Variants in PGK2 observed in about 807,000 individuals in gnomAD.
The protein encoded by PGK2 is epididymis secretory protein Li 272.
In PGK2, 5 loss-of-function variants were observed where a neutral mutation model predicts 5.2. The ratio of observed to expected loss-of-function variants is 0.96; its 90% CI spans 0.50 to 2.01. The LOEUF (loss-of-function observed/expected upper bound fraction) is 2.01, where lower values mean the gene tolerates loss of function less well. Among genes scored for constraint, PGK2 ranks in the 30% most tolerant of loss-of-function variants. The pLI, the probability that PGK2 is intolerant of heterozygous loss-of-function variation, is 0.01. For synonymous variants in PGK2, 210 were observed against 182.6 expected, an observed-to-expected ratio of 1.15 and a Z score of -1.21; for missense variants, 588 against 506.8, an observed-to-expected ratio of 1.16 and a Z score of -1.54.
rs1056498051 is a variant in PGK2 at position 49,785,961 on chromosome 6, A to G, written c.1227T>C (p.Pro409=). Residue 409 remains proline, a synonymous_variant, in exon 1 of 1, where the codon CCT becomes CCC. Transcript: ENST00000304801. ...SLELLEGKIL[P]GVEALSNM Reference sequence around the variant, plus strand: ...ACATGTTGCTGAGGGCCTCTACTCCAGGAAGGATTTTACCTTCCAGAAGCT... The same window carrying G: ...ACATGTTGCTGAGGGCCTCTACTCCGGGAAGGATTTTACCTTCCAGAAGCT... The G allele has an allele frequency of 1.9e-6, 3 of 1,613,946 alleles. No homozygotes were observed. Among genetic ancestry groups the G allele is most frequent in the South Asian group, 2.2e-5 (2 of 91,094 alleles).
rs1278075475 is a variant in PGK2, at chr6:49,786,644, G to A, written c.544C>T (p.Pro182Ser). 4 of 1,613,972 alleles carry A rather than the reference G, an allele frequency of 2.5e-6. No homozygotes were observed. The East Asian group carries it at 6.7e-5, about 27-fold the overall frequency. Residue 182 changes from proline to serine, a missense_variant, in exon 1 of 1, where the codon CCC (proline) becomes TCC (serine). Pro to Ser is a moderately conservative substitution (Grantham distance 74). Coordinates refer to ENST00000304801, the MANE Select transcript of PGK2 (RefSeq NM_138733.5). ...AHSSMVGVNL[P>S]HKASGFLMKK... ...ATCAAGAATCCGGATGCTTTATGGG[G>A]CAGATTCACTCCCACCATGGAACTA...
chr6:49,785,997 AC>A lies in PGK2; in HGVS notation c.1190del (p.Gly397ValfsTer4), dbSNP rs760203253. The A allele has an allele frequency of 6.2e-7, 1 of 1,614,132 alleles. No individual in the cohort carries two copies. Among genetic ancestry groups the A allele is most frequent in the Non-Finnish European group, 8.5e-7 (1 of 1,179,998 alleles). ...TACCTTCCAGAAGCTCTAGACTGGC[AC>A]CGCCTCCAGTGCTGACATGGCTGAC... ...DKVSHVSTGG[G>X]ASLELLEGKI... On this transcript the variant is annotated frameshift_variant, in exon 1 of 1. Coordinates refer to ENST00000304801, the MANE Select transcript of PGK2 (RefSeq NM_138733.5). LOFTEE classifies it high-confidence loss of function.
Position 49,786,936 on chromosome 6 carries a change from C to T in PGK2, c.252G>A (p.Glu84=). 6.2e-7 allele frequency: 1 copy of T among 1,614,090 alleles called. No homozygotes were observed. The highest frequency in any genetic ancestry group is 8.5e-7 in the Non-Finnish European group (1 of 1,180,014). The part of the protein sequence containing the change: ...DKYSLAPVAV[E]LKSLLGKDVL... Reference sequence around the variant, plus strand: ...CATCCTTGCCCAGCAAGGATTTGAGCTCAACAGCAACAGGTGCTAAGGAAT... The same window carrying T: ...CATCCTTGCCCAGCAAGGATTTGAGTTCAACAGCAACAGGTGCTAAGGAAT... Residue 84 remains glutamate (E), a synonymous_variant, in exon 1 of 1, where the codon GAG becomes GAA. Coordinates refer to ENST00000304801, the MANE Select transcript of PGK2 (RefSeq NM_138733.5).
Position 49,786,006 on chromosome 6 carries a change from A to G in PGK2, c.1182T>C (p.Thr394=). ...GAAGCTCTAGACTGGCACCGCCTCC[A>G]GTGCTGACATGGCTGACTTTATCTT... ...NTEDKVSHVS[T]GGGASLELLE... The change falls in exon 1 of 1, where the codon ACT becomes ACC. Residue 394 remains threonine, a synonymous_variant. Coordinates refer to ENST00000304801, the MANE Select transcript of PGK2 (RefSeq NM_138733.5). 6.2e-7 allele frequency: 1 copy of G among 1,614,128 alleles called. No homozygotes were observed. The highest frequency in any genetic ancestry group is 1.7e-4 in the Middle Eastern group (1 of 6,060).
In PGK2 at chr6:49,787,051, C is replaced by G. The variant is rs888015207; in HGVS notation, c.137G>C (p.Ser46Thr). Residue 46 changes from serine to threonine, a missense_variant, in exon 1 of 1, where the codon AGC becomes ACC. By Grantham distance (58) the Ser-to-Thr change is moderately conservative (BLOSUM62 1). Transcript: ENST00000304801. ...NNQRIKASIP[S>T]IKYCLDNGAK... is the part of the protein sequence containing the mutation. ...TCCATTGTCCAGGCAGTACTTGATG[C>G]TTGGGATGGAAGCCTTGATCCTCTG... 6.2e-7 allele frequency: 1 copy of G among 1,613,998 alleles called. No homozygotes were observed. The highest frequency in any genetic ancestry group is 1.3e-5 in the African/African-American group (1 of 74,924).
In PGK2 at chr6:49,786,924, C is replaced by T; in HGVS notation, c.264G>A (p.Leu88=). The change falls in exon 1 of 1, where the codon TTG becomes TTA. Residue 88 remains leucine, a synonymous_variant. Transcript: ENST00000304801. ...TCAGGAACAGAACATCCTTGCCCAG[C>T]AAGGATTTGAGCTCAACAGCAACAG... The part of the protein sequence containing the change: ...LAPVAVELKS[L]LGKDVLFLKD... 6.2e-7 allele frequency: 1 copy of T among 1,614,068 alleles called. No individual in the cohort carries two copies. Among genetic ancestry groups the T allele is most frequent in the Non-Finnish European group, 8.5e-7 (1 of 1,180,000 alleles).
chr6:49,786,198 T>C lies in PGK2; in HGVS notation c.990A>G (p.Gln330=), dbSNP rs530905364. 3 of 1,614,176 alleles carry C rather than the reference T, an allele frequency of 1.9e-6. No individual in the cohort carries two copies. Among genetic ancestry groups the C allele is most frequent in the Non-Finnish European group, 2.5e-6 (3 of 1,180,030 alleles). The change falls in exon 1 of 1, where the codon CAA becomes CAG. Residue 330 remains glutamine, a synonymous_variant. Coordinates refer to ENST00000304801, the MANE Select transcript of PGK2 (RefSeq NM_138733.5). ...GCCCATTCCAAACAATTAGCCTTGCTTGAGCCACAACTTGAGCATGATTCT... is the reference window on the plus strand; with the variant it reads ...GCCCATTCCAAACAATTAGCCTTGCCTGAGCCACAACTTGAGCATGATTCT... ...SNKNHAQVVA[Q]ARLIVWNGPL...
rs1769930537 is a variant in PGK2 at position 49,787,166 on chromosome 6, T to C, written c.22A>G (p.Thr8Ala). The C allele has an allele frequency of 6.2e-7, 1 of 1,612,830 alleles. No individual in the cohort carries two copies. The highest frequency in any genetic ancestry group is 1.7e-5 in the Admixed American group (1 of 59,942). Residue 8 changes from threonine (T) to alanine (A), a missense_variant, in exon 1 of 1, where the codon ACT becomes GCT. Coordinates refer to ENST00000304801, the MANE Select transcript of PGK2 (RefSeq NM_138733.5). Reference protein sequence around the residue: MSLSKKLTLDKLDVRGKR... With the variant: MSLSKKLALDKLDVRGKR... ...CCTCTAACATCCAGTTTGTCTAAAG[T>C]CAACTTCTTAGAAAGAGACATCTTG... is the stretch of plus-strand genomic sequence containing the variant.
chr6:49,785,883 G>T lies in PGK2; in HGVS notation c.*51C>A, dbSNP rs757152155. On this transcript the variant is annotated 3_prime_UTR_variant, in exon 1 of 1. Coordinates refer to ENST00000304801, the MANE Select transcript of PGK2 (RefSeq NM_138733.5). The stretch of plus-strand genomic sequence containing the variant: ...TCACATCGAGATGTAAAAGCATTAA[G>T]CTGACTTAAGGGCCATGGACAGAAA... The T allele has an allele frequency of 4.1e-6, 6 of 1,447,388 alleles. No individual in the cohort carries two copies. The African/African-American group carries it at 4.2e-5, about 10-fold the overall frequency. The allele number at this position is 1,447,388 out of a possible 1,614,324, so 89.7% of individuals were successfully genotyped here.
rs140705328 is a variant in PGK2 at position 49,786,359 on chromosome 6, C to G, written c.829G>C (p.Gly277Arg). 3 of 1,613,986 alleles carry G rather than the reference C, an allele frequency of 1.9e-6. No individual in the cohort carries two copies. The African/African-American group carries it at 4.0e-5, about 22-fold the overall frequency. ...KDIMAKAQKN[G>R]VRITFPVDFV... ...TCAACAGGAAAAGTAATCCTTACAC[C>G]ATTCTTTTGTGCTTTGGCCATGATA... The change falls in exon 1 of 1, where the codon GGT becomes CGT. Residue 277 changes from glycine (G) to arginine (R), a missense_variant. Coordinates refer to ENST00000304801, the MANE Select transcript of PGK2 (RefSeq NM_138733.5).
chr6:49,786,763 G>A lies in PGK2; in HGVS notation c.425C>T (p.Ala142Val), dbSNP rs1048041950. Residue 142 changes from alanine (A) to valine (V), a missense_variant, in exon 1 of 1, where the codon GCT becomes GTT. Physicochemically the swap from Ala to Val is moderately conservative, Grantham distance 64. Transcript: ENST00000304801. ...GQDPSGKKIK[A>V]EPDKIEAFRA... Reference sequence around the variant, plus strand: ...GAAGGCTTCTATTTTATCTGGCTCAGCTTTAATCTTCTTTCCAGAGGGATC... The same window carrying A: ...GAAGGCTTCTATTTTATCTGGCTCAACTTTAATCTTCTTTCCAGAGGGATC... 1.2e-6 allele frequency: 2 copies of A among 1,614,090 alleles called. No homozygotes were observed. Among genetic ancestry groups the A allele is most frequent in the Non-Finnish European group, 8.5e-7 (1 of 1,180,006 alleles).
chr6:49,786,952 G>A lies in PGK2; in HGVS notation c.236C>T (p.Ala79Val), dbSNP rs946438013. ...GVPMPDKYSL[A>V]PVAVELKSLL... is the part of the protein sequence containing the mutation. ...GGATTTGAGCTCAACAGCAACAGGT[G>A]CTAAGGAATATTTGTCAGGCATGGG... Residue 79 changes from alanine (A) to valine (V), a missense_variant, in exon 1 of 1, where the codon GCA becomes GTA. Transcript: ENST00000304801. 1 of 1,613,932 alleles carries A rather than the reference G, an allele frequency of 6.2e-7. No homozygotes were observed. Among genetic ancestry groups the A allele is most frequent in the African/African-American group, 1.3e-5 (1 of 74,884 alleles).
rs551601662 is a variant in PGK2 at position 49,786,460 on chromosome 6, G to A, written c.728C>T (p.Thr243Ile). 2.3e-5 allele frequency: 37 copies of A among 1,614,110 alleles called. No individual in the cohort carries two copies. In the South Asian group the frequency reaches 3.6e-4, roughly 16 times the overall value. Residue 243 changes from threonine (T) to isoleucine (I), a missense_variant, in exon 1 of 1, where the codon ACC (threonine) becomes ATC (isoleucine). Physicochemically the swap from Thr to Ile is moderately conservative, Grantham distance 89. Transcript: ENST00000304801. ...CATGTTGTTGAGTACCTTAAGGAAGGTATAAGCCATTCCACCACCAATAAT... is the reference window on the plus strand; with the variant it reads ...CATGTTGTTGAGTACCTTAAGGAAGATATAAGCCATTCCACCACCAATAAT... ...EMIIGGGMAY[T>I]FLKVLNNMEI...
At position 49,786,158 on chromosome 6, in the gene PGK2, CA is replaced by C. The variant is rs1769901582; in HGVS notation, c.1029del (p.Phe343LeufsTer18). The C allele has an allele frequency of 6.2e-7, 1 of 1,614,004 alleles. No homozygotes were observed. Among genetic ancestry groups the C allele is most frequent in the Admixed American group, 1.7e-5 (1 of 59,988 alleles). ...LIVWNGPLGVFEWDAFAKGTK... is the reference protein window; with the variant it reads ...LIVWNGPLGVXEWDAFAKGTK... ...GTTCCCTTAGCAAAGGCATCCCATT[CA>C]AATACTCCTAACGGCCCATTCCAAA... On this transcript the variant is annotated frameshift_variant, in exon 1 of 1. Coordinates refer to ENST00000304801, the MANE Select transcript of PGK2 (RefSeq NM_138733.5). LOFTEE classifies it high-confidence loss of function.
Position 49,786,739 on chromosome 6 carries a change from A to C in PGK2, c.449T>G (p.Phe150Cys), listed in dbSNP as rs754587039. 1 of 1,614,108 alleles carries C rather than the reference A, an allele frequency of 6.2e-7. No homozygotes were observed. The highest frequency in any genetic ancestry group is 1.1e-5 in the South Asian group (1 of 91,072). ...IKAEPDKIEA[F>C]RASLSKLGDV... is the part of the protein sequence containing the mutation. ...CCCTAGCTTGGAAAGTGATGCTCGGAAGGCTTCTATTTTATCTGGCTCAGC... is the reference window on the plus strand; with the variant it reads ...CCCTAGCTTGGAAAGTGATGCTCGGCAGGCTTCTATTTTATCTGGCTCAGC... Residue 150 changes from phenylalanine (F) to cysteine (C), a missense_variant, in exon 1 of 1, where the codon TTC becomes TGC. By Grantham distance (205) the Phe-to-Cys change is radical. Transcript: ENST00000304801.
At position 49,787,141 on chromosome 6, in the gene PGK2, C is replaced by T. The variant is rs780717653; in HGVS notation, c.47G>A (p.Gly16Glu). Residue 16 changes from glycine to glutamate, a missense_variant, in exon 1 of 1, where the codon GGG becomes GAG. Gly to Glu is a moderately conservative substitution (Grantham distance 98). Coordinates refer to ENST00000304801, the MANE Select transcript of PGK2 (RefSeq NM_138733.5). ...KLTLDKLDVRGKRVIMRVDFN... is the reference protein window; with the variant it reads ...KLTLDKLDVREKRVIMRVDFN... Reference sequence around the variant, plus strand: ...GTCTACTCTCATGATGACTCGCTTCCCTCTAACATCCAGTTTGTCTAAAGT... The same window carrying T: ...GTCTACTCTCATGATGACTCGCTTCTCTCTAACATCCAGTTTGTCTAAAGT... The T allele has an allele frequency of 1.2e-6, 2 of 1,613,542 alleles. No individual in the cohort carries two copies. The highest frequency in any genetic ancestry group is 8.5e-7 in the Non-Finnish European group (1 of 1,179,576).
chr6:49,787,282 C>A lies in PGK2; in HGVS notation c.-95G>T, dbSNP rs773502373. 3.5e-5 allele frequency: 29 copies of A among 837,010 alleles called. No individual in the cohort carries two copies. Among genetic ancestry groups the A allele is most frequent in the Non-Finnish European group, 5.3e-5 (27 of 512,512 alleles). The allele number at this position is 837,010 out of a possible 1,614,324, so 51.8% of individuals were successfully genotyped here. On this transcript the variant is annotated 5_prime_UTR_variant, in exon 1 of 1. The change creates a new upstream start codon in the 5' untranslated region. Coordinates refer to ENST00000304801, the MANE Select transcript of PGK2 (RefSeq NM_138733.5). ...CTGGGTCGGTGGTGACTTCTAACGC[C>A]TTTGCCCTTGTCCCGCCCCTTTCTT...
At position 49,786,350 on chromosome 6, in the gene PGK2, T is replaced by A. The variant is rs201510519; in HGVS notation, c.838A>T (p.Ile280Phe). Reference protein sequence around the residue: ...MAKAQKNGVRITFPVDFVTGD... With the variant: ...MAKAQKNGVRFTFPVDFVTGD... ...GTAACAAAATCAACAGGAAAAGTAA[T>A]CCTTACACCATTCTTTTGTGCTTTG... The change falls in exon 1 of 1, where the codon ATT becomes TTT. Residue 280 changes from isoleucine to phenylalanine, a missense_variant. Ile to Phe is a conservative substitution (Grantham distance 21, BLOSUM62 0). Coordinates refer to ENST00000304801, the MANE Select transcript of PGK2 (RefSeq NM_138733.5). 1.2e-4 allele frequency: 186 copies of A among 1,614,146 alleles called. No individual in the cohort carries two copies. Among genetic ancestry groups the A allele is most frequent in the Non-Finnish European group, 1.7e-6 (2 of 1,180,022 alleles).
rs1026289336 is a variant in PGK2, at chr6:49,786,632, A to T, written c.556T>A (p.Ser186Thr). 2.5e-6 allele frequency: 4 copies of T among 1,614,106 alleles called. No individual in the cohort carries two copies. Among genetic ancestry groups the T allele is most frequent in the Non-Finnish European group, 3.4e-6 (4 of 1,180,022 alleles). The change falls in exon 1 of 1, where the codon TCC (serine) becomes ACC (threonine). Residue 186 changes from serine (S) to threonine (T), a missense_variant. Physicochemically the swap from Ser to Thr is moderately conservative, Grantham distance 58. Coordinates refer to ENST00000304801, the MANE Select transcript of PGK2 (RefSeq NM_138733.5). Reference protein sequence around the residue: ...MVGVNLPHKASGFLMKKELDY... With the variant: ...MVGVNLPHKATGFLMKKELDY... Reference sequence around the variant, plus strand: ...AGTTCCTTCTTCATCAAGAATCCGGATGCTTTATGGGGCAGATTCACTCCC... The same window carrying T: ...AGTTCCTTCTTCATCAAGAATCCGGTTGCTTTATGGGGCAGATTCACTCCC...
Sources: allele counts gnomAD v4.1 joint callset, GRCh38; gene constraint gnomAD v4.1.1; transcripts MANE v1.5; gene names NCBI Gene and HGNC (gene_info 2026-07-23, HGNC 2026-07-21).